The following AOPEP variants were observed in gnomAD, a reference collection of about 807,000 sequenced individuals.
The protein encoded by AOPEP is aminopeptidase O.
A neutral mutation model predicts 98.1 loss-of-function variants in AOPEP; 77 were observed. That is an observed-to-expected ratio of 0.78 (90% CI 0.65 to 0.95). AOPEP has a LOEUF of 0.95. AOPEP is among the 40% of genes least tolerant of loss of function. The probability of loss-of-function intolerance (pLI) is 0.00; values close to 1 mark genes in which losing one functional copy is unlikely to be tolerated. For synonymous variants in AOPEP, 346 were observed against 365.3 expected (o/e 0.95, Z 0.60); for missense variants, 1,024 against 1,024.7 (o/e 1.00, Z 0.01).
At chr9:95,127,580 T>G in the AOPEP span, among the ~76,000 whole-genome samples, 1 of 152,228 alleles carries the variant, frequency 6.6e-6, no homozygotes, top group Non-Finnish European at 1.5e-5. Context: ...TCCTCTCCGC[T>G]GTGCGCCCAG....
At chr9:94,765,425 C>T (rs1450426704) in intron 2 of AOPEP, among the ~76,000 whole-genome samples, 1 of 118,448 alleles carries the variant, frequency 8.4e-6, no homozygotes, top group Non-Finnish European at 1.8e-5. Flanking sequence ...CATGGTGAAA[C>T]CCCTTCTCTA....
At chr9:94,851,181 C>T (rs1004390715) in intron 5 of AOPEP, among the ~76,000 whole-genome samples, 1 of 152,206 alleles carries the variant, frequency 6.6e-6, no homozygotes, top group Non-Finnish European at 1.5e-5. Flanking sequence ...TTTTCTGTTA[C>T]TGGTAGCCAA....
In AOPEP at chr9:94,759,653, C is replaced by A; in HGVS notation, c.-131C>A. 5.4e-6 allele frequency: 4 copies of A among 736,994 alleles called. No homozygotes were observed. Among genetic ancestry groups the A allele is most frequent in the Non-Finnish European group, 8.6e-6 (4 of 466,788 alleles). The allele number at this position is 736,994 out of a possible 1,614,324, so 45.7% of individuals were successfully genotyped here. Reference sequence around the variant, plus strand: ...TGTGCTTTCCTTTTTTGCCAGGAGACTGAAAGGAACCATAATTTGTGACAT... The same window carrying A: ...TGTGCTTTCCTTTTTTGCCAGGAGAATGAAAGGAACCATAATTTGTGACAT... On this transcript the variant is annotated 5_prime_UTR_variant, in exon 2 of 17. The change creates a new upstream start codon in the 5' untranslated region. Transcript: ENST00000375315.
chr9:94,888,927 C>A (rs989891612), intron 5 of AOPEP, among the ~76,000 whole-genome samples: 5 of 152,148 alleles, frequency 3.3e-5, no homozygotes, highest in African/African-American at 1.2e-4. Flanking sequence ...CCACATGTAA[C>A]CACCACCACA....
At chr9:94,977,638 C>T (rs2059931152) in intron 10 of AOPEP, among the ~76,000 whole-genome samples, 1 of 152,192 alleles carries the variant, frequency 6.6e-6, no homozygotes, top group South Asian at 2.1e-4. Context: ...CATGCATGCG[C>T]ACACTCCCAC....
chr9:94,935,387 C>T (rs982576906), intron 7 of AOPEP: 1 of 152,132 alleles, frequency 6.6e-6, no homozygotes, highest in African/African-American at 2.4e-5. Flanking sequence ...TATGGCAATT[C>T]AGGAACAGAC....
intron 3 of AOPEP, among the ~76,000 whole-genome samples, chr9:94,774,164 T>C (rs1841535592): frequency 6.6e-6 from 1 of 151,944 alleles, no homozygotes; most frequent in Non-Finnish European, 1.5e-5. Context: ...TACAAAAAAT[T>C]AGCCGGGCGT....
intron 2 of AOPEP, among the ~76,000 whole-genome samples, chr9:94,763,962 G>T (rs1010273575): frequency 6.6e-6 from 1 of 152,124 alleles, no homozygotes; most frequent in Non-Finnish European, 1.5e-5. Context: ...CAAGGAGGTG[G>T]GGCATAACTC....
intron 13 of AOPEP, among the ~76,000 whole-genome samples, chr9:95,048,148 C>T (rs1455519149): frequency 6.6e-6 from 1 of 151,226 alleles, no homozygotes; most frequent in African/African-American, 2.4e-5. Context: ...TTTTCAGTTG[C>T]AGCCGGCCAG....
intron 5 of AOPEP, among the ~76,000 whole-genome samples, chr9:94,865,623 C>T (rs992728969): frequency 1.3e-5 from 2 of 152,154 alleles, no homozygotes; most frequent in African/African-American, 4.8e-5. Flanking sequence ...GTGGAAATGC[C>T]TTTTGCTTAC....
In AOPEP at chr9:94,830,516, CTT is replaced by C. The variant is rs1405561844; in HGVS notation, c.1364+29516_1364+29517del. 2.6e-5 allele frequency among the ~76,000 whole-genome samples: 4 copies of C among 152,244 alleles called. No homozygotes were observed. In the East Asian group the frequency reaches 5.8e-4, roughly 22 times the overall value. ...GCAATGAACATACACATGCATGTATCTTTATAATAAAATGATTTATATTCCTT... is the reference window on the plus strand; with the variant it reads ...GCAATGAACATACACATGCATGTATCTATAATAAAATGATTTATATTCCTT... On this transcript the variant is annotated intron_variant, in intron 5 of 16. Coordinates refer to ENST00000375315, the MANE Select transcript of AOPEP (RefSeq NM_001193329.3).
chr9:94,944,172 G>T (rs919722922), intron 7 of AOPEP, among the ~76,000 whole-genome samples: 1 of 152,158 alleles, frequency 6.6e-6, no homozygotes, highest in Admixed American at 6.5e-5. Flanking sequence ...TGGTGCAGCT[G>T]CTGTGGAAAA....
chr9:95,028,210 T>C lies in AOPEP; in HGVS notation c.2115+22594T>C, dbSNP rs1229075910. 2.6e-5 allele frequency among the ~76,000 whole-genome samples: 4 copies of C among 152,244 alleles called. No homozygotes were observed. The East Asian group carries it at 7.7e-4, about 29-fold the overall frequency. ...TGATATCTGAATAAACAACCTCAAC[T>C]GAACACAATTTACATCAATTATTTT... is the stretch of plus-strand genomic sequence containing the variant. On this transcript the variant is annotated intron_variant, in intron 13 of 16. Coordinates refer to ENST00000375315, the MANE Select transcript of AOPEP (RefSeq NM_001193329.3).
intron 3 of AOPEP, among the ~76,000 whole-genome samples, chr9:94,776,228 T>C (rs182915777): frequency 9.2e-5 from 14 of 152,242 alleles, no homozygotes; most frequent in African/African-American, 3.4e-4. Flanking sequence ...GTATTGTGCT[T>C]TCCCTTTTAG....
intron 5 of AOPEP, among the ~76,000 whole-genome samples, chr9:94,868,930 G>A (rs571319461): frequency 1.3e-5 from 2 of 152,252 alleles, no homozygotes; most frequent in Middle Eastern, 3.4e-3. Flanking sequence ...CTCTCAAAAC[G>A]TTTACTGTAT....
chr9:95,031,257 T>C (rs1234387666), intron 13 of AOPEP, among the ~76,000 whole-genome samples: 20 of 152,230 alleles, frequency 1.3e-4, no homozygotes. Flanking sequence ...TTTACCAGTA[T>C]GTATTTAATG....
rs56330504 is a variant in AOPEP, at chr9:94,939,816, T to G, written c.1661+11285T>G. Among the ~76,000 whole-genome samples, 804 of 152,318 alleles carry G rather than the reference T, an allele frequency of 5.3e-3. 14 individuals are homozygous for G. The highest frequency in any genetic ancestry group is 0.044 in the East Asian group (227 of 5,184). ...ATCTCAGGATGCATAGTCAGCCTTG[T>G]GGAACTGAGGAAACAGAAAGCTGGT... On this transcript the variant is annotated intron_variant, in intron 7 of 16. Transcript: ENST00000375315.
chr9:95,074,892 A>G (rs1473033571), intron 14 of AOPEP, among the ~76,000 whole-genome samples: 3 of 152,208 alleles, frequency 2.0e-5, no homozygotes, highest in African/African-American at 7.2e-5. Flanking sequence ...GAGGGAAGAG[A>G]TGAGCACATC....
chr9:95,083,070 G>C (rs191950092), intron 16 of AOPEP: 198 of 226,578 alleles, frequency 8.7e-4, no homozygotes, highest in African/African-American at 4.3e-3. Flanking sequence ...GGAATGGGAA[G>C]CCTGGCAGAA....
Sources: gnomAD v4.1 joint callset for allele counts (sites outside exome capture counted in the v4.1 genomes callset) on GRCh38, gnomAD v4.1.1 for gene constraint, MANE v1.5 for transcripts, NCBI Gene and HGNC (gene_info 2026-07-23, HGNC 2026-07-21) for gene names.